IMMP2L: variants seen among roughly 807,000 people sequenced by gnomAD.
IMMP2L encodes inner mitochondrial membrane peptidase subunit 2.
IMMP2L carries 18 observed loss-of-function variants against 19.3 expected under a neutral mutation model. The ratio of observed to expected loss-of-function variants is 0.93; its 90% confidence interval spans 0.64 to 1.38. The LOEUF (loss-of-function observed/expected upper bound fraction) is 1.38. Among genes scored for constraint, IMMP2L ranks in the 40% most tolerant of loss-of-function variants. The pLI, the probability that IMMP2L is intolerant of heterozygous loss-of-function variation, is 0.00. For synonymous variants in IMMP2L, 76 were observed against 73.0 expected (o/e 1.04, Z -0.21); for missense variants, 233 against 218.2 (o/e 1.07, Z -0.43).
At chr7:110,890,000 A>G (rs529679529) in intron 4 of IMMP2L, among the ~76,000 whole-genome samples, 14 of 152,252 alleles carry the variant, frequency 9.2e-5, no homozygotes, top group African/African-American at 3.4e-4. Context: ...TATTATTGCT[A>G]TTGTCTTCCT....
chr7:111,467,608 A>T (rs540677892), intron 3 of IMMP2L, among the ~76,000 whole-genome samples: 1 of 152,288 alleles, frequency 6.6e-6, no homozygotes, highest in East Asian at 1.9e-4. Flanking sequence ...GGTAAGGTTA[A>T]TTACCCTTTT....
At chr7:111,375,728 T>C (rs1584858196) in intron 3 of IMMP2L, among the ~76,000 whole-genome samples, 1 of 152,146 alleles carries the variant, frequency 6.6e-6, no homozygotes, top group Middle Eastern at 3.4e-3. Flanking sequence ...TTCACCATGT[T>C]GGCCAGGCTC....
intron 3 of IMMP2L, among the ~76,000 whole-genome samples, chr7:111,443,748 TCTTC>T (rs1837990256): frequency 6.6e-6 from 1 of 152,190 alleles, no homozygotes. Flanking sequence ...CACTCATTCT[TCTTC>T]CTATTTTTAA....
chr7:110,891,206 G>T (rs1310201120), intron 4 of IMMP2L, among the ~76,000 whole-genome samples: 1 of 149,040 alleles, frequency 6.7e-6, no homozygotes. Flanking sequence ...GTTAGAACTA[G>T]GTCTCTTTAT....
chr7:111,539,264 A>G (rs972947955), intron 1 of IMMP2L, among the ~76,000 whole-genome samples: 4 of 144,834 alleles, frequency 2.8e-5, no homozygotes, highest in Admixed American at 6.9e-5. Context: ...GAAAGAAAGA[A>G]AGAAAGAGAA....
intron 5 of IMMP2L, among the ~76,000 whole-genome samples, chr7:110,819,359 T>C (rs1189059387): frequency 6.6e-6 from 1 of 152,042 alleles, no homozygotes; most frequent in Non-Finnish European, 1.5e-5. Flanking sequence ...AAGCAGTTTC[T>C]ATATGATATG....
chr7:110,673,693 G>A (rs532744612), intron 5 of IMMP2L, among the ~76,000 whole-genome samples: 346 of 152,262 alleles, frequency 2.3e-3, no homozygotes, highest in Non-Finnish European at 4.2e-3. Flanking sequence ...CTTTGCTAAA[G>A]CATAACAAAA....
chr7:111,056,409 T>C (rs1197529367), intron 3 of IMMP2L, among the ~76,000 whole-genome samples: 5 of 152,246 alleles, frequency 3.3e-5, no homozygotes, highest in African/African-American at 1.2e-4. Context: ...CAATAATTAC[T>C]TGGAAATACA....
At chr7:111,332,795 T>C (rs1445180721) in intron 3 of IMMP2L, among the ~76,000 whole-genome samples, 1 of 152,076 alleles carries the variant, frequency 6.6e-6, no homozygotes, top group African/African-American at 2.4e-5. Flanking sequence ...TTCTATAAAA[T>C]AGTAATGCTA....
chr7:111,464,465 C>T (rs967104597), intron 3 of IMMP2L, among the ~76,000 whole-genome samples: 4 of 152,086 alleles, frequency 2.6e-5, no homozygotes, highest in South Asian at 2.1e-4. Flanking sequence ...CTGGGCAACA[C>T]GGCAAAACCA....
At chr7:111,211,376 GA>G (rs1157919477) in intron 3 of IMMP2L, among the ~76,000 whole-genome samples, 1 of 151,384 alleles carries the variant, frequency 6.6e-6, no homozygotes, top group Non-Finnish European at 1.5e-5. Context: ...CGAAAATGAA[GA>G]AAAAAAAGGA....
chr7:111,097,883 A>G lies in IMMP2L; in HGVS notation c.240-134318T>C, dbSNP rs191702504. Among the ~76,000 whole-genome samples the G allele has an allele frequency of 3.5e-3, 537 of 151,970 alleles. 3 individuals carry two copies. The highest frequency in any genetic ancestry group is 0.013 in the African/African-American group (520 of 41,510). On this transcript the variant is annotated intron_variant, in intron 3 of 5. Transcript: ENST00000405709. ...TTCAATATATATCTACACAGATTAT[A>G]TTTTGATTTCTACAAAGGCCAAGGG...
intron 3 of IMMP2L, among the ~76,000 whole-genome samples, chr7:111,302,425 T>G (rs533470130): frequency 6.6e-6 from 1 of 152,280 alleles, no homozygotes; most frequent in African/African-American, 2.4e-5. Flanking sequence ...TTATGAAGTG[T>G]GGCATGAATA....
At chr7:110,837,970 C>T (rs908784387) in intron 5 of IMMP2L, among the ~76,000 whole-genome samples, 2 of 152,130 alleles carry the variant, frequency 1.3e-5, no homozygotes, top group Non-Finnish European at 2.9e-5. Flanking sequence ...ATATTGTTTT[C>T]GGCCCTAGAC....
intron 3 of IMMP2L, among the ~76,000 whole-genome samples, chr7:111,090,546 CAG>C (rs531036505): frequency 6.8e-6 from 1 of 146,654 alleles, no homozygotes; most frequent in African/African-American, 2.5e-5. Flanking sequence ...TTGTGAATTA[CAG>C]AGAGGCAAAT....
chr7:111,525,921 GA>G (rs1585514482), intron 1 of IMMP2L, among the ~76,000 whole-genome samples: 1 of 152,128 alleles, frequency 6.6e-6, no homozygotes, highest in East Asian at 1.9e-4. Context: ...CCTGAAGCAT[GA>G]CAGCATGAAG....
intron 3 of IMMP2L, among the ~76,000 whole-genome samples, chr7:111,437,823 A>C (rs1238488904): frequency 6.6e-6 from 1 of 151,880 alleles, no homozygotes; most frequent in Non-Finnish European, 1.5e-5. Context: ...TGTAGGTTTT[A>C]CACATGTGAA....
At chr7:111,185,106 C>G (rs537691412) in intron 3 of IMMP2L, among the ~76,000 whole-genome samples, 1 of 152,312 alleles carries the variant, frequency 6.6e-6, no homozygotes, top group East Asian at 1.9e-4. Context: ...ATCATTCCCA[C>G]TAGAAGGAGA....
chr7:110,791,031 A>G (rs1023320022), intron 5 of IMMP2L, among the ~76,000 whole-genome samples: 1 of 151,546 alleles, frequency 6.6e-6, no homozygotes, highest in African/African-American at 2.4e-5. Context: ...AAATTCCATA[A>G]ACACAAACTT....
Sources: gnomAD v4.1 joint callset for allele counts (sites outside exome capture counted in the v4.1 genomes callset) on GRCh38, gnomAD v4.1.1 for gene constraint, MANE v1.5 for transcripts, NCBI Gene and HGNC (gene_info 2026-07-23, HGNC 2026-07-21) for gene names.